Variants in RBFOX1 observed in about 807,000 individuals in gnomAD.
RBFOX1 encodes RNA binding protein fox-1 homolog 1.
A neutral mutation model predicts 57.7 loss-of-function variants in RBFOX1; 8 were observed. The ratio of observed to expected loss-of-function variants is 0.14; its 90% CI spans 0.08 to 0.25. The LOEUF is 0.25. Among genes scored for constraint, RBFOX1 ranks in the 10% least tolerant of loss-of-function variants. RBFOX1 has a pLI of 1.00. For synonymous variants in RBFOX1, 326 were observed against 222.4 expected (o/e 1.47, Z -4.15); for missense variants, 611 against 548.5 (o/e 1.11, Z -1.14).
At chr16:5,750,464 G>T (rs576174200) in intron 3 of RBFOX1, among the ~76,000 whole-genome samples, 1 of 152,364 alleles carries the variant, frequency 6.6e-6, no homozygotes, top group African/African-American at 2.4e-5. Flanking sequence ...TGCCCCCAGA[G>T]GTGGAGTCTA....
At chr16:6,832,988 C>G (rs1158888543) in intron 3 of RBFOX1, among the ~76,000 whole-genome samples, 1 of 152,266 alleles carries the variant, frequency 6.6e-6, no homozygotes, top group South Asian at 2.1e-4. Context: ...TCCTGCTCCT[C>G]ATTTACCACT....
At chr16:5,350,942 A>G (rs1285111983) in intron 1 of RBFOX1, among the ~76,000 whole-genome samples, 7 of 152,222 alleles carry the variant, frequency 4.6e-5, no homozygotes, top group Non-Finnish European at 1.0e-4. Flanking sequence ...GGAATGCATG[A>G]GCCCAGCCAA....
At chr16:7,237,742 T>C (rs562743246) in intron 4 of RBFOX1, among the ~76,000 whole-genome samples, 170 of 152,344 alleles carry the variant, frequency 1.1e-3, no homozygotes, top group African/African-American at 3.7e-3. Context: ...GTGGTGGCTC[T>C]AGCCTGCAAT....
chr16:7,609,396 A>C (rs933598479), intron 10 of RBFOX1, among the ~76,000 whole-genome samples: 2 of 152,138 alleles, frequency 1.3e-5, no homozygotes, highest in Non-Finnish European at 2.9e-5. Context: ...CCACAGACAT[A>C]TCTGTGGGTG....
At chr16:6,538,922 A>C (rs775325453) in intron 2 of RBFOX1, among the ~76,000 whole-genome samples, 3 of 152,116 alleles carry the variant, frequency 2.0e-5, no homozygotes, top group Non-Finnish European at 4.4e-5. Flanking sequence ...GTCTGTTCTT[A>C]GCTGGTGCCA....
intron 3 of RBFOX1, among the ~76,000 whole-genome samples, chr16:6,671,992 G>C (rs1016543435): frequency 6.6e-6 from 1 of 152,164 alleles, no homozygotes; most frequent in Non-Finnish European, 1.5e-5. Context: ...ATTTTAAATG[G>C]CTTGGTCATA....
intron 1 of RBFOX1, among the ~76,000 whole-genome samples, chr16:5,283,286 G>A (rs1174195440): frequency 6.6e-6 from 1 of 152,204 alleles, no homozygotes; most frequent in Non-Finnish European, 1.5e-5. Flanking sequence ...CAGTGCGGAA[G>A]GGAAATGTGG....
At position 7,712,958 on chromosome 16, in the gene RBFOX1, G is replaced by C. The variant is rs1413925275; in HGVS notation, c.*2213G>C. On this transcript the variant is annotated 3_prime_UTR_variant, in exon 16 of 16. Coordinates refer to ENST00000550418, the MANE Select transcript of RBFOX1 (RefSeq NM_018723.4). ...ATGAGCTGTACTTTCCCCCATGACTGTATGTAGTTTTAATAAAATCATTTA... is the reference window on the plus strand; with the variant it reads ...ATGAGCTGTACTTTCCCCCATGACTCTATGTAGTTTTAATAAAATCATTTA... 1 of 152,184 alleles carries C rather than the reference G, an allele frequency of 6.6e-6. No individual in the cohort carries two copies. The highest frequency in any genetic ancestry group is 6.5e-5 in the Admixed American group (1 of 15,278). The allele number at this position is 152,184 out of a possible 1,614,324, so 9.4% of individuals were successfully genotyped here. A position where few individuals can be genotyped will look rare whatever the true frequency, so the allele number is the denominator to read the frequency against.
intron 10 of RBFOX1, among the ~76,000 whole-genome samples, chr16:7,629,990 A>C (rs917420855): frequency 1.3e-5 from 2 of 152,276 alleles, no homozygotes; most frequent in African/African-American, 4.8e-5. Flanking sequence ...TCTCCGCCTT[A>C]CTTCTGTTCT....
intron 1 of RBFOX1, among the ~76,000 whole-genome samples, chr16:6,219,026 C>T (rs983288633): frequency 3.9e-5 from 6 of 152,124 alleles, no homozygotes; most frequent in African/African-American, 1.4e-4. Context: ...GACTCAGGGG[C>T]CACATCTGTG....
chr16:5,315,761 G>C (rs1362575960), intron 1 of RBFOX1, among the ~76,000 whole-genome samples: 2 of 152,166 alleles, frequency 1.3e-5, no homozygotes, highest in Non-Finnish European at 2.9e-5. Flanking sequence ...CCTTCTGAAG[G>C]CTGGGAAGAA....
intron 4 of RBFOX1, among the ~76,000 whole-genome samples, chr16:7,390,406 C>G (rs990947327): frequency 2.6e-5 from 4 of 152,210 alleles, no homozygotes; most frequent in African/African-American, 7.2e-5. Context: ...GATTTCGATA[C>G]TTGGAGTCAG....
Position 6,067,446 on chromosome 16 carries a change from A to G in RBFOX1, c.-127+47454A>G, listed in dbSNP as rs566498055. ...CAAGCGAATGCCTGGATAGGAATTC[A>G]AAGTTTCATTGAAAATAAGATAGAA... On this transcript the variant is annotated intron_variant, in intron 1 of 15. Transcript: ENST00000550418. 2.6e-5 allele frequency among the ~76,000 whole-genome samples: 4 copies of G among 152,334 alleles called. No individual in the cohort carries two copies. In the East Asian group the frequency reaches 7.7e-4, roughly 29 times the overall value.
chr16:6,454,544 T>C (rs1380774447), intron 2 of RBFOX1, among the ~76,000 whole-genome samples: 2 of 152,068 alleles, frequency 1.3e-5, no homozygotes, highest in Non-Finnish European at 2.9e-5. Context: ...TGTGACTGAG[T>C]GAGACACCTT....
intron 4 of RBFOX1, among the ~76,000 whole-genome samples, chr16:7,373,065 G>C (rs2097599530): frequency 6.6e-6 from 1 of 151,812 alleles, no homozygotes; most frequent in Non-Finnish European, 1.5e-5. Context: ...CCGAGTAGCT[G>C]GGACTACAGG....
chr16:6,636,391 C>T (rs573109321), intron 2 of RBFOX1, among the ~76,000 whole-genome samples: 2 of 151,966 alleles, frequency 1.3e-5, no homozygotes, highest in Admixed American at 6.6e-5. Context: ...AGGATGGTCT[C>T]GATCTCCTGA....
intron 3 of RBFOX1, among the ~76,000 whole-genome samples, chr16:5,733,783 C>G (rs2052470339): frequency 6.6e-6 from 1 of 151,640 alleles, no homozygotes; most frequent in South Asian, 2.1e-4. Flanking sequence ...CTTTTCTTCC[C>G]AGCCCTTCCT....
At chr16:6,862,306 C>T (rs972310577) in intron 3 of RBFOX1, among the ~76,000 whole-genome samples, 1 of 152,134 alleles carries the variant, frequency 6.6e-6, no homozygotes, top group African/African-American at 2.4e-5. Flanking sequence ...GACTGTTTGC[C>T]TTGTGAACAA....
At chr16:6,640,739 C>A (rs1420238731) in intron 2 of RBFOX1, among the ~76,000 whole-genome samples, 1 of 152,108 alleles carries the variant, frequency 6.6e-6, no homozygotes, top group Non-Finnish European at 1.5e-5. Flanking sequence ...AATAAAAAAA[C>A]TCCTTCTGAA....
Sources: allele counts gnomAD v4.1 joint callset (sites outside exome capture counted in the v4.1 genomes callset), GRCh38; gene constraint gnomAD v4.1.1; transcripts MANE v1.5; gene names NCBI Gene and HGNC (gene_info 2026-07-23, HGNC 2026-07-21).